CEP83: variants seen among roughly 807,000 people sequenced by gnomAD.
The protein encoded by CEP83 is centrosomal protein of 83 kDa.
A neutral mutation model predicts 101.9 loss-of-function variants in CEP83; 70 were observed. The observed-to-expected ratio is 0.69, with a 90% CI of 0.57 to 0.84. The LOEUF is 0.84. CEP83 is among the 40% of genes least tolerant of loss of function. The pLI is 0.00. For missense variants in CEP83, 715 were observed against 787.2 expected (o/e 0.91, Z 1.10); for synonymous variants, 264 against 267.9 (o/e 0.99, Z 0.14).
intron 11 of CEP83, among the ~76,000 whole-genome samples, chr12:94,337,434 C>A (rs2059496515): frequency 6.6e-6 from 1 of 151,878 alleles, no homozygotes. Flanking sequence ...GATTTAAGAT[C>A]ATTACATTTA....
At chr12:94,392,842 A>G (rs1379069096) in intron 6 of CEP83, among the ~76,000 whole-genome samples, 1 of 152,254 alleles carries the variant, frequency 6.6e-6, no homozygotes, top group African/African-American at 2.4e-5. Flanking sequence ...AGAATACTAT[A>G]GACAGCTCTA....
At chr12:94,378,754 T>C (rs745327718) in intron 7 of CEP83, 37 bp downstream of exon 7, 3 of 1,598,872 alleles carry the variant, frequency 1.9e-6, no homozygotes, top group African/African-American at 2.7e-5. Context: ...TTTAAAAAAG[T>C]ATGCCATACT....
intron 6 of CEP83, among the ~76,000 whole-genome samples, chr12:94,393,704 T>C (rs1410771424): frequency 1.3e-5 from 2 of 152,236 alleles, no homozygotes; most frequent in Non-Finnish European, 1.5e-5. Flanking sequence ...GCAGATGATA[T>C]GATTGTATAT....
intron 6 of CEP83, among the ~76,000 whole-genome samples, chr12:94,393,310 G>C (rs1024717224): frequency 1.3e-5 from 2 of 152,160 alleles, no homozygotes; most frequent in African/African-American, 2.4e-5. Flanking sequence ...GGGATGCAAG[G>C]CTGGTTCAAC....
intron 1 of CEP83, among the ~76,000 whole-genome samples, chr12:94,454,774 C>G (rs536100543): frequency 6.6e-6 from 1 of 152,046 alleles, no homozygotes; most frequent in Non-Finnish European, 1.5e-5. Context: ...ACGAACCCAC[C>G]GGGAGGAATG....
At chr12:94,415,302 C>T (rs578230810) in intron 2 of CEP83, among the ~76,000 whole-genome samples, 19 of 151,920 alleles carry the variant, frequency 1.3e-4, no homozygotes, top group Non-Finnish European at 2.7e-4. Context: ...TCAGTATAAA[C>T]AAGAGAAATA....
chr12:94,293,137 G>GT, the CEP83 span, among the ~76,000 whole-genome samples: 1 of 152,056 alleles, frequency 6.6e-6, no homozygotes, highest in Non-Finnish European at 1.5e-5. Flanking sequence ...CATTATGATT[G>GT]TAAGATTTAC....
the CEP83 span, among the ~76,000 whole-genome samples, chr12:94,291,128 G>A: frequency 6.6e-6 from 1 of 152,232 alleles, no homozygotes; most frequent in Non-Finnish European, 1.5e-5. Flanking sequence ...GGTACCAAAA[G>A]GTCTTAGGTG....
chr12:94,385,862 C>T (rs922601422), intron 6 of CEP83, among the ~76,000 whole-genome samples: 8 of 152,154 alleles, frequency 5.3e-5, no homozygotes, highest in African/African-American at 1.7e-4. Context: ...TGTATTTTTA[C>T]TGTTTAAACC....
chr12:94,379,849 T>A (rs1460921248), intron 6 of CEP83, among the ~76,000 whole-genome samples: 3 of 151,946 alleles, frequency 2.0e-5, no homozygotes, highest in African/African-American at 7.3e-5. Context: ...TCCCCAACTA[T>A]CTATCCCCTA....
the CEP83 span, among the ~76,000 whole-genome samples, chr12:94,274,940 T>C: frequency 6.6e-6 from 1 of 152,236 alleles, no homozygotes; most frequent in African/African-American, 2.4e-5. Flanking sequence ...CTGGCACCTA[T>C]AAAGCACTCC....
intron 7 of CEP83, among the ~76,000 whole-genome samples, chr12:94,376,728 CACACAT>C (rs772909414): frequency 2.4e-4 from 28 of 116,128 alleles, no homozygotes; most frequent in Non-Finnish European, 4.2e-4. Context: ...CACACACACA[CACACAT>C]ATATATATAT....
chr12:94,315,203 A>G (rs1196093776), intron 14 of CEP83, among the ~76,000 whole-genome samples: 11 of 152,180 alleles, frequency 7.2e-5, no homozygotes, highest in Admixed American at 2.0e-4. Context: ...TCCACCAGCA[A>G]TATGTGAGAG....
chr12:94,433,056 A>T (rs78606811), intron 2 of CEP83, among the ~76,000 whole-genome samples: 8,637 of 152,234 alleles, frequency 0.057, 268 homozygotes, highest in Non-Finnish European at 0.072. Flanking sequence ...AATAATGGAG[A>T]TTAAGGAGAA....
At chr12:94,336,702 T>C (rs2059462765) in intron 11 of CEP83, among the ~76,000 whole-genome samples, 1 of 152,190 alleles carries the variant, frequency 6.6e-6, no homozygotes, top group Non-Finnish European at 1.5e-5. Flanking sequence ...CCAGTCCTTT[T>C]CCTTTTGCTC....
chr12:94,272,553 C>A, the CEP83 span, among the ~76,000 whole-genome samples: 1 of 152,210 alleles, frequency 6.6e-6, no homozygotes, highest in Non-Finnish European at 1.5e-5. Context: ...CCTGGCCCTG[C>A]CATCCTAGTC....
At chr12:94,448,371 G>A (rs571865087) in intron 1 of CEP83, among the ~76,000 whole-genome samples, 2 of 152,254 alleles carry the variant, frequency 1.3e-5, no homozygotes, top group East Asian at 3.9e-4. Context: ...AGACTGCAAT[G>A]ACTGATAGAA....
chr12:94,386,400 C>A (rs772687111), intron 6 of CEP83, among the ~76,000 whole-genome samples: 2 of 152,216 alleles, frequency 1.3e-5, no homozygotes, highest in African/African-American at 2.4e-5. Flanking sequence ...CTAATCAATA[C>A]TGCAAAGTTA....
At chr12:94,297,481 G>C in the CEP83 span, 1 of 1,187,598 alleles carries the variant, frequency 8.4e-7, no homozygotes, top group Non-Finnish European at 1.2e-6. Context: ...TGATATGTTT[G>C]ACTTAATTTC....
Sources: allele counts gnomAD v4.1 joint callset (sites outside exome capture counted in the v4.1 genomes callset), GRCh38; gene constraint gnomAD v4.1.1; transcripts MANE v1.5; gene names NCBI Gene and HGNC (gene_info 2026-07-23, HGNC 2026-07-21).